Variants in WDR37 observed in about 807,000 individuals in gnomAD.
The protein encoded by WDR37 is WD repeat-containing protein 37.
A neutral mutation model predicts 62.9 loss-of-function variants in WDR37; 19 were observed. The ratio of observed to expected loss-of-function variants is 0.30; its 90% CI spans 0.21 to 0.44. WDR37 has a LOEUF of 0.44. Ranked by LOEUF, WDR37 falls within the 20% of genes least tolerant of loss-of-function variation. The probability of loss-of-function intolerance (pLI) is 1.00; values close to 1 mark genes in which losing one functional copy is unlikely to be tolerated. For missense variants in WDR37, 474 were observed against 657.6 expected (o/e 0.72, Z 3.05); for synonymous variants, 250 against 260.9 (o/e 0.96, Z 0.40).
chr10:1,069,390 T>TATATATATATATATATA (rs1491098746), intron 1 of WDR37, among the ~76,000 whole-genome samples: 107 of 47,036 alleles, frequency 2.3e-3, no homozygotes, highest in Non-Finnish European at 2.7e-3. Flanking sequence ...TATATATATA[T>TATATATATATATATATA]TTTTTTTTTT....
At chr10:1,080,602 T>C in intron 5 of WDR37, 126 bp downstream of exon 5, 1 of 1,208,236 alleles carries the variant, frequency 8.3e-7, no homozygotes, top group Non-Finnish European at 1.2e-6. Context: ...AAGGGAAATT[T>C]AGTTTTTTAA....
intron 1 of WDR37, among the ~76,000 whole-genome samples, chr10:1,069,389 A>ATATATATATATATATATATATATATAT: frequency 1.0e-5 from 1 of 95,806 alleles, no homozygotes; most frequent in Admixed American, 1.2e-4. Flanking sequence ...ATATATATAT[A>ATATATATATATATATATATATATATAT]TTTTTTTTTT....
At chr10:1,092,179 C>CAAAA (rs1216415362) in intron 7 of WDR37, among the ~76,000 whole-genome samples, 2 of 68,840 alleles carry the variant, frequency 2.9e-5, no homozygotes, top group African/African-American at 1.1e-4. Flanking sequence ...GACTCCGTCT[C>CAAAA]AAAAAAAAAA....
Position 1,105,112 on chromosome 10 carries a change from C to T in WDR37, c.962-14C>T, listed in dbSNP as rs1047348777. ...CTCAGGTGATGACCTTGTGTTTTGCCATCTTGGTTACAGGGCACGACCAGG... is the reference window on the plus strand; with the variant it reads ...CTCAGGTGATGACCTTGTGTTTTGCTATCTTGGTTACAGGGCACGACCAGG... On this transcript the variant is annotated splice_polypyrimidine_tract_variant and intron_variant, in intron 10 of 13. Transcript: ENST00000263150. The surrounding 1 kb of genome is among the most constrained non-coding windows in gnomAD (Gnocchi z 5.3). 1.9e-6 allele frequency: 3 copies of T among 1,613,502 alleles called. No homozygotes were observed. Among genetic ancestry groups the T allele is most frequent in the Middle Eastern group, 1.7e-4 (1 of 6,058 alleles).
At chr10:1,116,883 C>T (rs958302881) in intron 11 of WDR37, among the ~76,000 whole-genome samples, 4 of 152,138 alleles carry the variant, frequency 2.6e-5, no homozygotes, top group African/African-American at 9.7e-5. Flanking sequence ...ACACCTAGGC[C>T]CAGTGGTTCT....
intron 1 of WDR37, among the ~76,000 whole-genome samples, chr10:1,063,696 C>A (rs1172210816): frequency 6.6e-6 from 1 of 152,176 alleles, no homozygotes; most frequent in East Asian, 1.9e-4. Context: ...CATGAGGCCA[C>A]CCCCCTGTGG....
intron 1 of WDR37, among the ~76,000 whole-genome samples, chr10:1,058,918 G>A (rs1457849667): frequency 6.6e-6 from 1 of 152,154 alleles, no homozygotes; most frequent in Non-Finnish European, 1.5e-5. Flanking sequence ...ATGCCACATG[G>A]ACATTATATT....
chr10:1,070,627 T>A (rs1444334080), intron 1 of WDR37, among the ~76,000 whole-genome samples: 5 of 152,232 alleles, frequency 3.3e-5, no homozygotes, highest in Admixed American at 3.3e-4. Flanking sequence ...TTTTCATCCT[T>A]GGTATTTAGG....
At position 1,106,759 on chromosome 10, in the gene WDR37, C is replaced by T. The variant is rs188103626; in HGVS notation, c.1103+1492C>T. Among the ~76,000 whole-genome samples the T allele has an allele frequency of 3.3e-3, 503 of 152,220 alleles. 4 individuals are homozygous for T. The highest frequency in any genetic ancestry group is 0.011 in the African/African-American group (464 of 41,528). ...CTTGAACTCCTAACCTCAGGTGATCCGCCTGCCTCAGCCTACCAAAGTGCT... is the reference window on the plus strand; with the variant it reads ...CTTGAACTCCTAACCTCAGGTGATCTGCCTGCCTCAGCCTACCAAAGTGCT... On this transcript the variant is annotated intron_variant, in intron 11 of 13. Coordinates refer to ENST00000263150, the MANE Select transcript of WDR37 (RefSeq NM_014023.4).
chr10:1,108,710 G>C (rs1374102142), intron 11 of WDR37, among the ~76,000 whole-genome samples: 4 of 148,012 alleles, frequency 2.7e-5, no homozygotes, highest in Non-Finnish European at 4.4e-5. Flanking sequence ...TGTGATCCCT[G>C]TGGTTGCTTT....
At chr10:1,095,042 G>A (rs2131644276) in intron 8 of WDR37, among the ~76,000 whole-genome samples, 1 of 152,078 alleles carries the variant, frequency 6.6e-6, no homozygotes, top group Middle Eastern at 3.4e-3. Flanking sequence ...TGGGTATAGA[G>A]AGGAGAGTTA....
At chr10:1,074,266 T>A in intron 2 of WDR37, 1 of 1,131,060 alleles carries the variant, frequency 8.8e-7, no homozygotes, top group Non-Finnish European at 1.1e-6. Flanking sequence ...TGTTCTAGAG[T>A]TGTCTCCTGC....
intron 2 of WDR37, among the ~76,000 whole-genome samples, chr10:1,074,903 G>T (rs1422647753): frequency 2.6e-5 from 4 of 152,276 alleles, no homozygotes; most frequent in African/African-American, 9.6e-5. Context: ...ACGTCCACGT[G>T]CACACAGTGC....
At chr10:1,111,588 C>T (rs556329400) in intron 11 of WDR37, among the ~76,000 whole-genome samples, 3 of 152,218 alleles carry the variant, frequency 2.0e-5, no homozygotes, top group East Asian at 1.9e-4. Flanking sequence ...TTTGATCCTA[C>T]GTGTTTAGAA....
chr10:1,112,254 G>A (rs775493737), intron 11 of WDR37, among the ~76,000 whole-genome samples: 2 of 152,286 alleles, frequency 1.3e-5, no homozygotes, highest in South Asian at 2.1e-4. Flanking sequence ...ATTATATGAG[G>A]GTGGTCAGTG....
Position 1,128,826 on chromosome 10 carries a change from G to A in WDR37, c.1354-387G>A, listed in dbSNP as rs1274693167. On this transcript the variant is annotated intron_variant, in intron 13 of 13. Transcript: ENST00000263150. ...CCGTGCTCGGCGGTCCATGCTCGGC[G>A]GTCCATGCTCGGTGGTCCTGCTCAG... is the stretch of plus-strand genomic sequence containing the variant. Among the ~76,000 whole-genome samples, 5 of 151,454 alleles carry A rather than the reference G, an allele frequency of 3.3e-5. No homozygotes were observed. In the South Asian group the frequency reaches 6.2e-4, roughly 19 times the overall value.
chr10:1,078,612 C>T (rs966261197), intron 3 of WDR37, among the ~76,000 whole-genome samples: 1 of 152,218 alleles, frequency 6.6e-6, no homozygotes, highest in Non-Finnish European at 1.5e-5. Context: ...TAATGCTTCA[C>T]AGTGAAATAA....
chr10:1,072,428 C>T (rs1833758669), intron 2 of WDR37, 135 bp downstream of exon 2: 5 of 1,217,558 alleles, frequency 4.1e-6, no homozygotes, highest in Non-Finnish European at 5.7e-6. Flanking sequence ...GATTCTCCTG[C>T]CTCAGCCTAC....
chr10:1,131,055 C>T lies in WDR37; in HGVS notation c.*1711C>T, dbSNP rs933305253. On this transcript the variant is annotated 3_prime_UTR_variant, in exon 14 of 14. Coordinates refer to ENST00000263150, the MANE Select transcript of WDR37 (RefSeq NM_014023.4). ...TTTGTCCGACATTATTTCCTGACTG[C>T]ACTGTTCTGAGAATGGAGTCCACCT... 11 of 152,238 alleles carry T rather than the reference C, an allele frequency of 7.2e-5. No homozygotes were observed. Among genetic ancestry groups the T allele is most frequent in the African/African-American group, 2.4e-4 (10 of 41,446 alleles). The allele number at this position is 152,238 out of a possible 1,614,324, so 9.4% of individuals were successfully genotyped here. A position where few individuals can be genotyped will look rare whatever the true frequency, so the allele number is the denominator to read the frequency against.
Sources: allele counts gnomAD v4.1 joint callset (sites outside exome capture counted in the v4.1 genomes callset), GRCh38; gene constraint gnomAD v4.1.1; non-coding constraint Gnocchi (gnomAD v3.1); transcripts MANE v1.5; gene names NCBI Gene and HGNC (gene_info 2026-07-23, HGNC 2026-07-21).